The following CRACD variants were observed in gnomAD, a reference collection of about 807,000 sequenced individuals.
CRACD encodes the protein capping protein inhibiting regulator of actin dynamics.
Under a neutral mutation model 106.8 loss-of-function variants are expected in CRACD, and 56 were observed. The observed-to-expected ratio is 0.52, with a 90% confidence interval of 0.42 to 0.66. CRACD has a LOEUF of 0.66. CRACD is among the 30% of genes least tolerant of loss of function. The pLI, the probability that CRACD is intolerant of heterozygous loss-of-function variation, is 0.00. For synonymous variants in CRACD, 754 were observed against 670.8 expected (o/e 1.12, Z -1.92); for missense variants, 1,730 against 1,623.2 (o/e 1.07, Z -1.13).
At chr4:56,304,943 G>A (rs894146963) in intron 4 of CRACD, among the ~76,000 whole-genome samples, 10 of 151,940 alleles carry the variant, frequency 6.6e-5, no homozygotes, top group African/African-American at 2.4e-4. Context: ...TTTCCAGCGG[G>A]GTGCAGTGGT....
chr4:56,092,278 T>C (rs796150928), intron 1 of CRACD, among the ~76,000 whole-genome samples: 1 of 152,182 alleles, frequency 6.6e-6, no homozygotes, highest in East Asian at 1.9e-4. Context: ...GTGCTTCTCT[T>C]TTCTACCAGC....
chr4:56,140,361 T>TA (rs1369446805), intron 1 of CRACD, among the ~76,000 whole-genome samples: 1 of 152,234 alleles, frequency 6.6e-6, no homozygotes, highest in African/African-American at 2.4e-5. Flanking sequence ...ACTGCTTGGT[T>TA]ATTAACAAGC....
At chr4:56,122,149 C>T (rs1399508645) in intron 1 of CRACD, among the ~76,000 whole-genome samples, 1 of 151,916 alleles carries the variant, frequency 6.6e-6, no homozygotes, top group Admixed American at 6.6e-5. Flanking sequence ...ATATCCACTG[C>T]ACTCTAGCCT....
chr4:56,049,476 T>C (rs1450651144), intron 1 of CRACD, among the ~76,000 whole-genome samples, 177 bp downstream of exon 1: 2 of 151,526 alleles, frequency 1.3e-5, no homozygotes, highest in Non-Finnish European at 3.0e-5. Flanking sequence ...GGTGTCCCCA[T>C]GTGGGAGGCG....
intron 1 of CRACD, among the ~76,000 whole-genome samples, chr4:56,146,713 T>C (rs767008907): frequency 1.3e-5 from 2 of 152,196 alleles, no homozygotes. Flanking sequence ...AACAGCATTA[T>C]TGAGATAGAA....
chr4:56,239,167 CCT>C (rs1740202199), intron 2 of CRACD, among the ~76,000 whole-genome samples: 1 of 152,006 alleles, frequency 6.6e-6, no homozygotes, highest in South Asian at 2.1e-4. Flanking sequence ...GTGGTACGTG[CCT>C]GTAATCTCAG....
chr4:56,307,425 G>A, intron 4 of CRACD, 110 bp from the exon 5 acceptor site: 1 of 964,712 alleles, frequency 1.0e-6, no homozygotes, highest in Non-Finnish European at 1.6e-6. Flanking sequence ...CTAGAAATCA[G>A]TTGTGCACAA....
At chr4:56,239,453 C>T (rs78495930) in intron 2 of CRACD, among the ~76,000 whole-genome samples, 3,124 of 152,054 alleles carry the variant, frequency 0.021, 50 homozygotes, top group Middle Eastern at 0.041. Flanking sequence ...ATGCCCCATT[C>T]GCAGGCATGG....
Position 56,305,821 on chromosome 4 carries a change from A to AG in CRACD, c.121-1709dup, listed in dbSNP as rs557407309. Among the ~76,000 whole-genome samples, 301 of 152,214 alleles carry AG rather than the reference A, an allele frequency of 2.0e-3. 1 individual carries two copies. The highest frequency in any genetic ancestry group is 7.0e-3 in the African/African-American group (291 of 41,544). The stretch of plus-strand genomic sequence containing the variant: ...TCTCACTGCCCACTGTGCAAGGCTG[A>AG]GGGGGAGCTGGGCAAAGGTGGGTGG... On this transcript the variant is annotated intron_variant, in intron 4 of 10. Coordinates refer to ENST00000682029, the MANE Select transcript of CRACD (RefSeq NM_001393381.1).
chr4:56,243,033 C>A (rs914404063), intron 2 of CRACD, among the ~76,000 whole-genome samples: 2 of 152,178 alleles, frequency 1.3e-5, no homozygotes, highest in Non-Finnish European at 2.9e-5. Context: ...ATGTCCCCCA[C>A]TGTCTATTTT....
intron 1 of CRACD, among the ~76,000 whole-genome samples, chr4:56,149,440 G>A (rs984100429): frequency 1.3e-5 from 2 of 152,136 alleles, no homozygotes; most frequent in East Asian, 3.9e-4. Flanking sequence ...GAAATGGAAA[G>A]AAAAGAAGAT....
intron 2 of CRACD, among the ~76,000 whole-genome samples, chr4:56,259,937 C>T (rs898418734): frequency 6.6e-6 from 1 of 152,298 alleles, no homozygotes; most frequent in African/African-American, 2.4e-5. Flanking sequence ...AAAACCATAA[C>T]AATCAGAACC....
At chr4:56,076,271 C>T (rs1174971161) in intron 1 of CRACD, among the ~76,000 whole-genome samples, 1 of 152,154 alleles carries the variant, frequency 6.6e-6, no homozygotes, top group Non-Finnish European at 1.5e-5. Context: ...ACTGTGGCCT[C>T]CAGAATTCAG....
intron 2 of CRACD, among the ~76,000 whole-genome samples, chr4:56,256,676 C>T (rs993439099): frequency 2.0e-5 from 3 of 152,134 alleles, no homozygotes; most frequent in African/African-American, 4.8e-5. Context: ...GAGCAGGCCC[C>T]GAGGGCACAT....
chr4:56,102,612 T>C (rs1733816895), intron 1 of CRACD, among the ~76,000 whole-genome samples: 1 of 152,150 alleles, frequency 6.6e-6, no homozygotes, highest in Non-Finnish European at 1.5e-5. Flanking sequence ...AACTAGAGAG[T>C]GTGTGCCAAT....
chr4:56,307,620 T>C lies in CRACD; in HGVS notation c.206T>C (p.Leu69Ser). Reference protein sequence around the residue: ...MNKANSGEASLEEDLFLTSPM... With the variant: ...MNKANSGEASSEEDLFLTSPM... ...AAGGCAAACAGTGGAGAGGCTAGCT[T>C]AGAAGAGGATCTGTTCCTGACCAGT... Residue 69 changes from leucine to serine, a missense_variant, in exon 5 of 11, where the codon TTA (leucine) becomes TCA (serine). Physicochemically the swap from Leu to Ser is moderately radical, Grantham distance 145. Around this residue, in one of 5 missense-constraint regions of CRACD, gnomAD observed 1,620 missense variants for 1,481.6 expected, o/e 1.09. Transcript: ENST00000682029. The C allele has an allele frequency of 6.2e-7, 1 of 1,614,198 alleles. No homozygotes were observed. The highest frequency in any genetic ancestry group is 8.5e-7 in the Non-Finnish European group (1 of 1,180,036).
chr4:56,302,783 G>C (rs528009081), intron 4 of CRACD, among the ~76,000 whole-genome samples: 6 of 152,224 alleles, frequency 3.9e-5, no homozygotes, highest in Non-Finnish European at 5.9e-5. Context: ...TCTAGACACT[G>C]GCAGAGAGCT....
chr4:56,238,674 G>C (rs1222065080), intron 2 of CRACD, among the ~76,000 whole-genome samples: 1 of 152,200 alleles, frequency 6.6e-6, no homozygotes, highest in African/African-American at 2.4e-5. Context: ...TCCAGATACT[G>C]TACAGTGATG....
At chr4:56,056,586 TAAAAAAAAAACC>T (rs1358129375) in intron 1 of CRACD, among the ~76,000 whole-genome samples, 4 of 137,162 alleles carry the variant, frequency 2.9e-5, no homozygotes, top group Non-Finnish European at 4.8e-5. Flanking sequence ...CCTGTCTCTA[TAAAAAAAAAACC>T]AAAAAAAAAA....
Sources: gnomAD v4.1 joint callset for allele counts (sites outside exome capture counted in the v4.1 genomes callset) on GRCh38, gnomAD v4.1.1 for gene constraint, gnomAD v4.1.1 regional missense constraint, MANE v1.5 for transcripts, NCBI Gene and HGNC (gene_info 2026-07-23, HGNC 2026-07-21) for gene names.